ADAM32: variants seen among roughly 807,000 people sequenced by gnomAD.
ADAM32 encodes ADAM metallopeptidase domain 32, also known as disintegrin and metalloproteinase domain-containing protein 32.
ADAM32 carries 89 observed loss-of-function variants against 114.9 expected under a neutral mutation model. The observed-to-expected ratio is 0.77, with a 90% CI of 0.65 to 0.92. ADAM32 has a LOEUF of 0.92. Among genes scored for constraint, ADAM32 ranks in the 40% least tolerant of loss-of-function variants. The pLI, the probability that ADAM32 is intolerant of heterozygous loss-of-function variation, is 0.00. For synonymous variants in ADAM32, 285 were observed against 307.5 expected (o/e 0.93, Z 0.77); for missense variants, 870 against 932.8 (o/e 0.93, Z 0.88).
At chr8:39,142,904 T>C (rs1162029823) in intron 3 of ADAM32, among the ~76,000 whole-genome samples, 1 of 152,194 alleles carries the variant, frequency 6.6e-6, no homozygotes, top group African/African-American at 2.4e-5. Context: ...TGTTAGTTTC[T>C]TTTCACTCTT....
At chr8:39,175,600 T>C (rs1805476713) in intron 10 of ADAM32, among the ~76,000 whole-genome samples, 1 of 152,200 alleles carries the variant, frequency 6.6e-6, no homozygotes, top group African/African-American at 2.4e-5. Context: ...TGAGGATTTT[T>C]GCATCGATGT....
At chr8:39,230,369 A>G (rs1809658787) in intron 14 of ADAM32, among the ~76,000 whole-genome samples, 1 of 152,188 alleles carries the variant, frequency 6.6e-6, no homozygotes, top group East Asian at 1.9e-4. Context: ...GGAGAAATTA[A>G]TGAGAGGGGG....
At chr8:39,114,105 G>A (rs150703251) in intron 1 of ADAM32, among the ~76,000 whole-genome samples, 1 of 152,254 alleles carries the variant, frequency 6.6e-6, no homozygotes, top group African/African-American at 2.4e-5. Flanking sequence ...ACCATTGATG[G>A]ATCCAGGTCA....
chr8:39,208,481 ATTTG>A (rs748310227), intron 11 of ADAM32, among the ~76,000 whole-genome samples: 9 of 152,108 alleles, frequency 5.9e-5, no homozygotes, highest in Admixed American at 1.3e-4. Flanking sequence ...AGTGTTCTAA[ATTTG>A]TTTGTTTACT....
intron 16 of ADAM32, among the ~76,000 whole-genome samples, chr8:39,245,566 G>T (rs1445086617): frequency 1.3e-5 from 2 of 152,258 alleles, no homozygotes; most frequent in Non-Finnish European, 2.9e-5. Flanking sequence ...GACACCAGGG[G>T]CTTGTGCATG....
chr8:39,240,480 G>A (rs568788763), intron 16 of ADAM32, among the ~76,000 whole-genome samples: 1 of 152,174 alleles, frequency 6.6e-6, no homozygotes. Context: ...GTCTGAAAGA[G>A]AAAAAATAGA....
chr8:39,216,981 G>A (rs4416797), intron 12 of ADAM32, among the ~76,000 whole-genome samples: 146,264 of 152,002 alleles, frequency 0.96, 70,650 homozygotes, highest in East Asian at 1. Context: ...ACTCGTTAAC[G>A]TCCTTTTTCT....
intron 14 of ADAM32, chr8:39,223,968 C>A (rs1029916156): frequency 3.3e-5 from 5 of 152,112 alleles, no homozygotes; most frequent in African/African-American, 1.2e-4. Flanking sequence ...CTGCAAATGG[C>A]AGGATTTTCC....
At chr8:39,227,750 G>A (rs946163856) in intron 14 of ADAM32, among the ~76,000 whole-genome samples, 2 of 152,112 alleles carry the variant, frequency 1.3e-5, no homozygotes, top group Non-Finnish European at 2.9e-5. Context: ...ACCCATTCTG[G>A]TCACTGAAGA....
intron 16 of ADAM32, among the ~76,000 whole-genome samples, chr8:39,245,188 G>A (rs1311446987): frequency 6.6e-6 from 1 of 152,118 alleles, no homozygotes; most frequent in Non-Finnish European, 1.5e-5. Flanking sequence ...ATTATTCTAA[G>A]TGAAGTAACT....
intron 11 of ADAM32, among the ~76,000 whole-genome samples, chr8:39,197,573 C>CTTATT: frequency 6.6e-6 from 1 of 151,674 alleles, no homozygotes; most frequent in Non-Finnish European, 1.5e-5. Context: ...ATTCATTGAC[C>CTTATT]CAATGGTTAT....
chr8:39,141,568 T>C (rs1803155940), intron 3 of ADAM32, among the ~76,000 whole-genome samples: 1 of 152,176 alleles, frequency 6.6e-6, no homozygotes, highest in African/African-American at 2.4e-5. Context: ...TTTGTTGTGA[T>C]TTCTGTTCTT....
chr8:39,107,871 C>T (rs755936234), intron 1 of ADAM32, 38 bp downstream of exon 1: 2 of 1,496,804 alleles, frequency 1.3e-6, no homozygotes, highest in Non-Finnish European at 8.9e-7. Flanking sequence ...TCCGGGCGCT[C>T]GTCACACTGC....
chr8:39,206,997 T>C (rs1016602604), intron 11 of ADAM32, among the ~76,000 whole-genome samples: 3 of 152,106 alleles, frequency 2.0e-5, no homozygotes, highest in African/African-American at 7.2e-5. Flanking sequence ...AGCACCTGCC[T>C]ATACTAATCT....
At chr8:39,281,712 T>A (rs1813429236) in intron 23 of ADAM32, among the ~76,000 whole-genome samples, 1 of 152,186 alleles carries the variant, frequency 6.6e-6, no homozygotes, top group South Asian at 2.1e-4. Flanking sequence ...AGCTTTTGGT[T>A]TCCTACACCC....
intron 11 of ADAM32, among the ~76,000 whole-genome samples, chr8:39,190,741 T>G (rs1046708762): frequency 1.3e-5 from 2 of 152,250 alleles, no homozygotes; most frequent in Admixed American, 1.3e-4. Context: ...TGCCCACTTT[T>G]AAGTGAGATT....
chr8:39,184,900 A>G (rs1806119539), intron 10 of ADAM32, among the ~76,000 whole-genome samples: 1 of 152,172 alleles, frequency 6.6e-6, no homozygotes, highest in African/African-American at 2.4e-5. Flanking sequence ...CCTTTAGCCT[A>G]TGGTGGTAAT....
At chr8:39,111,875 T>A (rs1840176511) in intron 1 of ADAM32, among the ~76,000 whole-genome samples, 1 of 152,146 alleles carries the variant, frequency 6.6e-6, no homozygotes, top group African/African-American at 2.4e-5. Context: ...CCTGCTAGAT[T>A]TTTGAAGTGA....
intron 10 of ADAM32, among the ~76,000 whole-genome samples, chr8:39,175,374 T>A (rs1056080819): frequency 2.0e-5 from 3 of 152,200 alleles, no homozygotes; most frequent in African/African-American, 7.2e-5. Context: ...CTACCTAGTT[T>A]ACTGAGAGAT....
Sources: allele counts gnomAD v4.1 joint callset (sites outside exome capture counted in the v4.1 genomes callset), GRCh38; gene constraint gnomAD v4.1.1; transcripts MANE v1.5; gene names NCBI Gene and HGNC (gene_info 2026-07-23, HGNC 2026-07-21).